OLFM4: variants seen among roughly 807,000 people sequenced by gnomAD.
OLFM4 encodes the protein olfactomedin 4, also known as olfactomedin-4.
OLFM4 carries 22 observed loss-of-function variants against 25.5 expected under a neutral mutation model. The ratio of observed to expected loss-of-function variants is 0.86; its 90% confidence interval spans 0.62 to 1.23. The LOEUF (loss-of-function observed/expected upper bound fraction) is 1.23. Ranked by LOEUF, OLFM4 falls within the 50% of genes most tolerant of loss-of-function variation. OLFM4 has a pLI of 0.00. For missense variants in OLFM4, 594 were observed against 619.4 expected (o/e 0.96, Z 0.44); for synonymous variants, 255 against 237.7 (o/e 1.07, Z -0.67).
chr13:53,031,270 T>C (rs1234445360), intron 1 of OLFM4, among the ~76,000 whole-genome samples: 2 of 152,228 alleles, frequency 1.3e-5, no homozygotes, highest in African/African-American at 4.8e-5. Context: ...GGCTGTCAGC[T>C]TGATGAGCTC....
At chr13:53,045,732 C>G (rs993524709) in intron 4 of OLFM4, among the ~76,000 whole-genome samples, 6 of 152,174 alleles carry the variant, frequency 3.9e-5, no homozygotes, top group Non-Finnish European at 8.8e-5. Flanking sequence ...GAACTTAGAA[C>G]AAGTGAATGT....
chr13:53,037,292 G>A (rs978349101), intron 2 of OLFM4, among the ~76,000 whole-genome samples: 7 of 152,184 alleles, frequency 4.6e-5, no homozygotes, highest in African/African-American at 1.2e-4. Context: ...GGCACAAAAG[G>A]CAGCTCAGGA....
At chr13:53,043,783 C>T (rs1177575596) in intron 4 of OLFM4, among the ~76,000 whole-genome samples, 1 of 152,010 alleles carries the variant, frequency 6.6e-6, no homozygotes, top group Admixed American at 6.5e-5. Flanking sequence ...ATTGTGTGTC[C>T]TGAGATTCAG....
intron 2 of OLFM4, 68 bp downstream of exon 2, chr13:53,034,568 A>G: frequency 7.3e-7 from 1 of 1,369,482 alleles, no homozygotes; most frequent in Non-Finnish European, 1.0e-6. Context: ...TTAATTTAGG[A>G]TTTTATAAGC....
chr13:53,032,170 A>G (rs1432463809), intron 1 of OLFM4, among the ~76,000 whole-genome samples: 1 of 152,218 alleles, frequency 6.6e-6, no homozygotes, highest in Non-Finnish European at 1.5e-5. Flanking sequence ...CTGTCTTTCA[A>G]GTGAACTTCA....
chr13:53,043,203 G>T lies in OLFM4; in HGVS notation c.669G>T (p.Leu223=). The T allele has an allele frequency of 1.2e-6, 2 of 1,613,464 alleles. No homozygotes were observed. Among genetic ancestry groups the T allele is most frequent in the Admixed American group, 3.3e-5 (2 of 59,892 alleles). The part of the protein sequence containing the change: ...RREIVALKTK[L]KECEASKDQN... ...AAATCGTGGCTCTGAAGACCAAGCT[G>T]AAAGAGTGTGAGGCCTCTAAAGATC... Residue 223 remains leucine (L), a synonymous_variant, in exon 4 of 5, where the codon CTG becomes CTT. Coordinates refer to ENST00000219022, the MANE Select transcript of OLFM4 (RefSeq NM_006418.5).
At chr13:53,033,929 G>A (rs1954642248) in intron 1 of OLFM4, among the ~76,000 whole-genome samples, 1 of 151,968 alleles carries the variant, frequency 6.6e-6, no homozygotes, top group Non-Finnish European at 1.5e-5. Context: ...GCGTGGTGGC[G>A]GGCTGTAGTC....
rs767632009 is a variant in OLFM4 at position 53,050,987 on chromosome 13, C to A, written c.*216C>A. On this transcript the variant is annotated 3_prime_UTR_variant, in exon 5 of 5. Coordinates refer to ENST00000219022, the MANE Select transcript of OLFM4 (RefSeq NM_006418.5). The stretch of plus-strand genomic sequence containing the variant: ...CTTCAGGCGCATTTTGCAATAAAGT[C>A]TGTCTAGGGTGGGATTGTCAGAGGT... 3.9e-5 allele frequency: 21 copies of A among 532,238 alleles called. No individual in the cohort carries two copies. Among genetic ancestry groups the A allele is most frequent in the Non-Finnish European group, 5.5e-5 (17 of 306,872 alleles). The allele number at this position is 532,238 out of a possible 1,614,324, so 33.0% of individuals were successfully genotyped here.
At chr13:53,031,808 G>A (rs1954630653) in intron 1 of OLFM4, among the ~76,000 whole-genome samples, 2 of 152,198 alleles carry the variant, frequency 1.3e-5, no homozygotes, top group Admixed American at 1.3e-4. Flanking sequence ...GGTGTCTTGT[G>A]AGGTACTCAG....
At chr13:53,031,848 G>C (rs776410902) in intron 1 of OLFM4, among the ~76,000 whole-genome samples, 1 of 152,194 alleles carries the variant, frequency 6.6e-6, no homozygotes, top group Admixed American at 6.5e-5. Context: ...AAGGGGAATC[G>C]CATATTCTTC....
At chr13:53,043,844 G>A (rs1382955135) in intron 4 of OLFM4, among the ~76,000 whole-genome samples, 1 of 152,148 alleles carries the variant, frequency 6.6e-6, no homozygotes, top group Non-Finnish European at 1.5e-5. Context: ...GGTGTGTCTT[G>A]CCATTCCTCA....
Position 53,043,200 on chromosome 13 carries a change from G to C in OLFM4, c.666G>C (p.Lys222Asn). The stretch of plus-strand genomic sequence containing the variant: ...GAGAAATCGTGGCTCTGAAGACCAA[G>C]CTGAAAGAGTGTGAGGCCTCTAAAG... ...IRREIVALKT[K>N]LKECEASKDQ... The change falls in exon 4 of 5, where the codon AAG (lysine) becomes AAC (asparagine). Residue 222 changes from lysine (K) to asparagine (N), a missense_variant. Physicochemically the swap from Lys to Asn is moderately conservative, Grantham distance 94. Coordinates refer to ENST00000219022, the MANE Select transcript of OLFM4 (RefSeq NM_006418.5). 1.9e-6 allele frequency: 3 copies of C among 1,613,486 alleles called. No homozygotes were observed. Among genetic ancestry groups the C allele is most frequent in the South Asian group, 1.1e-5 (1 of 91,010 alleles).
Position 53,050,860 on chromosome 13 carries a change from G to C in OLFM4, c.*89G>C. ...TAGATATCTGCAGGGGTGTCTAAAA[G>C]TGTGTTCATTTTGCAGCAATGTTTA... On this transcript the variant is annotated 3_prime_UTR_variant, in exon 5 of 5. Coordinates refer to ENST00000219022, the MANE Select transcript of OLFM4 (RefSeq NM_006418.5). 8.7e-7 allele frequency: 1 copy of C among 1,152,792 alleles called. No individual in the cohort carries two copies. The highest frequency in any genetic ancestry group is 2.4e-5 in the East Asian group (1 of 41,950). The allele number at this position is 1,152,792 out of a possible 1,614,324, so 71.4% of individuals were successfully genotyped here.
rs34038690 is a variant in OLFM4, at chr13:53,043,370, TG to T, written c.730+107del. 1,994 of 581,670 alleles carry T rather than the reference TG, an allele frequency of 3.4e-3. 13 individuals carry two copies. Among genetic ancestry groups the T allele is most frequent in the Admixed American group, 5.3e-3 (95 of 17,898 alleles). 36.0% of individuals were successfully genotyped at this position (581,670 alleles called of 1,614,324 possible). A position where few individuals can be genotyped will look rare whatever the true frequency, so the allele number is the denominator to read the frequency against. On this transcript the variant is annotated intron_variant, in intron 4 of 4. Coordinates refer to ENST00000219022, the MANE Select transcript of OLFM4 (RefSeq NM_006418.5). ...GCAATGGTGAAAGAAGAAGGTGGGT[TG>T]TTTTTTTTTTTTTTTTTTCAGTTCT...
intron 2 of OLFM4, among the ~76,000 whole-genome samples, chr13:53,040,231 A>C (rs1163526790): frequency 6.6e-6 from 1 of 152,230 alleles, no homozygotes; most frequent in East Asian, 1.9e-4. Flanking sequence ...CCAATTATAC[A>C]CTAAACTGCC....
At position 53,050,042 on chromosome 13, in the gene OLFM4, T is replaced by G; in HGVS notation, c.804T>G (p.Ser268=). ...SVVQLNWRGF[S]YLYGAWGRDY... ...TTCAGCTCAACTGGAGAGGGTTTTCTTATCTATATGGTGCTTGGGGTAGGG... is the reference window on the plus strand; with the variant it reads ...TTCAGCTCAACTGGAGAGGGTTTTCGTATCTATATGGTGCTTGGGGTAGGG... The change falls in exon 5 of 5, where the codon TCT becomes TCG. Residue 268 remains serine (S), a synonymous_variant. Coordinates refer to ENST00000219022, the MANE Select transcript of OLFM4 (RefSeq NM_006418.5). 1.2e-6 allele frequency: 2 copies of G among 1,613,936 alleles called. No individual in the cohort carries two copies. The highest frequency in any genetic ancestry group is 1.7e-6 in the Non-Finnish European group (2 of 1,179,818).
At chr13:53,034,275 A>C in intron 1 of OLFM4, 73 bp from the exon 2 acceptor site, 1 of 1,523,530 alleles carries the variant, frequency 6.6e-7, no homozygotes, top group Non-Finnish European at 9.0e-7. Flanking sequence ...CGACAAGCCA[A>C]TTTCTGTCAC....
At chr13:53,044,480 A>AT (rs981107067) in intron 4 of OLFM4, among the ~76,000 whole-genome samples, 1 of 152,066 alleles carries the variant, frequency 6.6e-6, no homozygotes, top group Non-Finnish European at 1.5e-5. Context: ...ATTGTAACTG[A>AT]TTTTTTAAGG....
chr13:53,041,538 C>T lies in OLFM4; in HGVS notation c.358-372C>T, dbSNP rs185931327. ...TATTGGGTGCTAGGTTTAGTACCTG[C>T]GAGACAAAATAACCTTTACAACAAA... On this transcript the variant is annotated intron_variant, in intron 2 of 4. Transcript: ENST00000219022. Among the ~76,000 whole-genome samples the T allele has an allele frequency of 1.4e-4, 22 of 152,042 alleles. No individual in the cohort carries two copies. In the East Asian group the frequency reaches 2.7e-3, roughly 19 times the overall value.
Sources: allele counts gnomAD v4.1 joint callset (sites outside exome capture counted in the v4.1 genomes callset), GRCh38; gene constraint gnomAD v4.1.1; transcripts MANE v1.5; gene names NCBI Gene and HGNC (gene_info 2026-07-23, HGNC 2026-07-21).